Variants in RPS6KC1 observed in about 807,000 individuals in gnomAD.
RPS6KC1 encodes the protein ribosomal protein S6 kinase C1, also known as inactive ribosomal protein S6 kinase delta-1.
Under a neutral mutation model 103.8 loss-of-function variants are expected in RPS6KC1, and 54 were observed. The observed-to-expected ratio is 0.52, with a 90% CI of 0.42 to 0.65. RPS6KC1 has a LOEUF of 0.65. RPS6KC1 is among the 30% of genes least tolerant of loss of function. The pLI is 0.00. For missense variants in RPS6KC1, 1,151 were observed against 1,253.8 expected (o/e 0.92, Z 1.24); for synonymous variants, 439 against 438.7 (o/e 1.00, Z -0.01).
chr1:213,221,706 C>G (rs1316193451), intron 8 of RPS6KC1, among the ~76,000 whole-genome samples: 1 of 152,160 alleles, frequency 6.6e-6, no homozygotes, highest in Non-Finnish European at 1.5e-5. Flanking sequence ...TCTTATGTTA[C>G]TTGCTCTTCC....
chr1:213,492,751 T>C, the RPS6KC1 span, among the ~76,000 whole-genome samples: 1 of 152,252 alleles, frequency 6.6e-6, no homozygotes, highest in African/African-American at 2.4e-5. Flanking sequence ...CTTTATAAAC[T>C]GGCTGTGAAC....
At chr1:213,489,314 AG>A in the RPS6KC1 span, among the ~76,000 whole-genome samples, 12 of 152,316 alleles carry the variant, frequency 7.9e-5, no homozygotes, top group African/African-American at 2.9e-4. Context: ...GGGAGGGCCC[AG>A]GTGGGCTGGA....
At chr1:213,521,118 T>C in the RPS6KC1 span, among the ~76,000 whole-genome samples, 2 of 152,216 alleles carry the variant, frequency 1.3e-5, no homozygotes, top group Non-Finnish European at 2.9e-5. Flanking sequence ...TTCATATTAG[T>C]GCATGTAAGT....
At chr1:213,606,321 C>T in the RPS6KC1 span, among the ~76,000 whole-genome samples, 1 of 152,198 alleles carries the variant, frequency 6.6e-6, no homozygotes, top group Non-Finnish European at 1.5e-5. Flanking sequence ...AATGAGGGAA[C>T]CAATCTCTTA....
intron 6 of RPS6KC1, among the ~76,000 whole-genome samples, chr1:213,153,946 C>G (rs537016433): frequency 1.6e-4 from 25 of 152,090 alleles, no homozygotes; most frequent in Admixed American, 3.3e-4. Context: ...GTGTTGTGAT[C>G]TAAGCTGTTT....
At chr1:213,301,365 C>T in the RPS6KC1 span, among the ~76,000 whole-genome samples, 732 of 152,230 alleles carry the variant, frequency 4.8e-3, 15 homozygotes, top group Admixed American at 0.035. Flanking sequence ...TGTGAAATTT[C>T]GCTGTAAATT....
At chr1:213,173,496 C>G (rs1201093429) in intron 7 of RPS6KC1, among the ~76,000 whole-genome samples, 1 of 152,114 alleles carries the variant, frequency 6.6e-6, no homozygotes, top group Non-Finnish European at 1.5e-5. Context: ...GAAAACTGAC[C>G]CTAAGTATAT....
intron 3 of RPS6KC1, among the ~76,000 whole-genome samples, chr1:213,095,745 A>C (rs1281989789): frequency 1.3e-5 from 2 of 152,324 alleles, no homozygotes; most frequent in Non-Finnish European, 2.9e-5. Context: ...ACTGTAGTCT[A>C]TTGAGTGTGC....
At chr1:213,417,308 T>C in the RPS6KC1 span, among the ~76,000 whole-genome samples, 1 of 152,192 alleles carries the variant, frequency 6.6e-6, no homozygotes, top group Admixed American at 6.5e-5. Flanking sequence ...CTAGATTGGT[T>C]CTCTCTCACA....
the RPS6KC1 span, among the ~76,000 whole-genome samples, chr1:213,846,407 A>T: frequency 2.0e-4 from 31 of 152,274 alleles, no homozygotes; most frequent in African/African-American, 7.5e-4. Flanking sequence ...CCTCCACTTC[A>T]TTGCCTCACC....
chr1:213,290,177 C>G, the RPS6KC1 span, among the ~76,000 whole-genome samples: 1 of 141,332 alleles, frequency 7.1e-6, no homozygotes, highest in African/African-American at 2.6e-5. Flanking sequence ...AAGAATCAAT[C>G]GGTCATGCCT....
intron 4 of RPS6KC1, among the ~76,000 whole-genome samples, chr1:213,113,932 T>G (rs1198136876): frequency 6.6e-6 from 1 of 152,204 alleles, no homozygotes; most frequent in Admixed American, 6.5e-5. Flanking sequence ...TCTATTTTGG[T>G]ACCAGTACCA....
chr1:213,420,906 T>C, the RPS6KC1 span, among the ~76,000 whole-genome samples: 2 of 152,202 alleles, frequency 1.3e-5, no homozygotes, highest in Non-Finnish European at 2.9e-5. Context: ...CTTGGCTTTA[T>C]GGCAGCATCA....
chr1:213,701,975 CT>C, the RPS6KC1 span, among the ~76,000 whole-genome samples: 4 of 151,588 alleles, frequency 2.6e-5, no homozygotes, highest in Non-Finnish European at 5.9e-5. Context: ...TGGTTTGCTC[CT>C]GCTTTTTTAG....
the RPS6KC1 span, among the ~76,000 whole-genome samples, chr1:213,494,305 C>A: frequency 2.0e-5 from 3 of 152,144 alleles, 1 homozygote; most frequent in African/African-American, 7.2e-5. Context: ...CAAGAAAATG[C>A]ATACTGCTAA....
the RPS6KC1 span, among the ~76,000 whole-genome samples, chr1:213,604,449 C>T: frequency 6.6e-6 from 1 of 152,274 alleles, no homozygotes; most frequent in Non-Finnish European, 1.5e-5. Context: ...ACTGCACCCT[C>T]TCAGCAAGTC....
the RPS6KC1 span, among the ~76,000 whole-genome samples, chr1:213,839,005 T>C: frequency 6.6e-6 from 1 of 152,198 alleles, no homozygotes; most frequent in Non-Finnish European, 1.5e-5. Context: ...GAAAGCATTT[T>C]AATAAGGAAA....
the RPS6KC1 span, among the ~76,000 whole-genome samples, chr1:213,621,707 A>C: frequency 1.3e-5 from 2 of 152,176 alleles, no homozygotes; most frequent in Non-Finnish European, 2.9e-5. Context: ...CCTAATGCAA[A>C]GTGAAAATGT....
At chr1:213,725,479 C>T in the RPS6KC1 span, among the ~76,000 whole-genome samples, 1 of 152,232 alleles carries the variant, frequency 6.6e-6, no homozygotes, top group East Asian at 1.9e-4. Flanking sequence ...TTCTCAAAGG[C>T]ATTCCGGGCT....
Sources: gnomAD v4.1 joint callset for allele counts (sites outside exome capture counted in the v4.1 genomes callset) on GRCh38, gnomAD v4.1.1 for gene constraint, MANE v1.5 for transcripts, NCBI Gene and HGNC (gene_info 2026-07-23, HGNC 2026-07-21) for gene names.